Variants in ZNF710 observed in about 807,000 individuals in gnomAD.
The protein encoded by ZNF710 is zinc finger protein 710.
A neutral mutation model predicts 50.6 loss-of-function variants in ZNF710; 13 were observed. That is an observed-to-expected ratio of 0.26 (90% CI 0.17 to 0.41). The LOEUF (loss-of-function observed/expected upper bound fraction) is 0.41. Among genes scored for constraint, ZNF710 ranks in the 10% least tolerant of loss-of-function variants. The pLI is 1.00. For missense variants in ZNF710, 721 were observed against 936.6 expected (o/e 0.77, Z 3.01); for synonymous variants, 383 against 397.0 (o/e 0.96, Z 0.42).
chr15:90,013,502 T>G (rs1898369868), intron 1 of ZNF710, among the ~76,000 whole-genome samples: 1 of 152,232 alleles, frequency 6.6e-6, no homozygotes, highest in Non-Finnish European at 1.5e-5. Flanking sequence ...AGGGAGGATG[T>G]GTGTTTCCTT....
At chr15:90,007,317 T>G (rs537979415) in intron 1 of ZNF710, among the ~76,000 whole-genome samples, 1 of 152,114 alleles carries the variant, frequency 6.6e-6, no homozygotes, top group South Asian at 2.1e-4. Context: ...ACATAATACT[T>G]TTAAGAATTG....
At chr15:90,072,996 C>T in intron 2 of ZNF710, 75 bp from the exon 3 acceptor site, 1 of 1,510,654 alleles carries the variant, frequency 6.6e-7, no homozygotes, top group Non-Finnish European at 9.0e-7. Flanking sequence ...CTGCCCCTAC[C>T]CGGCTCCCCA....
At chr15:90,051,437 C>G (rs1278971532) in intron 1 of ZNF710, among the ~76,000 whole-genome samples, 2 of 151,976 alleles carry the variant, frequency 1.3e-5, no homozygotes, top group African/African-American at 4.8e-5. Context: ...AGTTCAAGAC[C>G]AGCCTGGCCA....
chr15:90,059,652 GCT>G lies in ZNF710; in HGVS notation c.-28-7456_-28-7455del, dbSNP rs1899941442. Reference sequence around the variant, plus strand: ...CTGCCCCTCCCCCGTGCCGGCGGCAGCTCCCTGGGCCTCTGGCTCCTGAGGCC... The same window carrying G: ...CTGCCCCTCCCCCGTGCCGGCGGCAGCCCTGGGCCTCTGGCTCCTGAGGCC... On this transcript the variant is annotated intron_variant, in intron 1 of 4. Transcript: ENST00000268154. This position sits in a 1 kb window ranked among gnomAD's most constrained non-coding sequence, Gnocchi z 4.1. Among the ~76,000 whole-genome samples the G allele has an allele frequency of 6.6e-6, 1 of 151,982 alleles. No individual in the cohort carries two copies. Among genetic ancestry groups the G allele is most frequent in the South Asian group, 2.1e-4 (1 of 4,820 alleles).
intron 1 of ZNF710, chr15:90,002,411 T>G (rs1355662822): frequency 6.6e-6 from 1 of 151,948 alleles, no homozygotes; most frequent in African/African-American, 2.4e-5. Context: ...GCGGGGTCCC[T>G]ACGGCCCGTC....
At chr15:90,027,105 C>G (rs1214400124) in intron 1 of ZNF710, among the ~76,000 whole-genome samples, 1 of 152,134 alleles carries the variant, frequency 6.6e-6, no homozygotes, top group Admixed American at 6.5e-5. Flanking sequence ...TACCCTCTGC[C>G]AAATCTTAGG....
intron 1 of ZNF710, among the ~76,000 whole-genome samples, chr15:90,036,604 A>G (rs1899135108): frequency 6.6e-6 from 1 of 151,992 alleles, no homozygotes; most frequent in Admixed American, 6.6e-5. Flanking sequence ...CTGCTCCATT[A>G]TTTCTAGTGA....
intron 1 of ZNF710, among the ~76,000 whole-genome samples, chr15:90,030,975 C>T (rs563582656): frequency 7.3e-6 from 1 of 137,350 alleles, no homozygotes; most frequent in Non-Finnish European, 1.5e-5. Flanking sequence ...GCCGAGATCC[C>T]GCCACTGCAC....
Position 90,080,000 on chromosome 15 carries a change from T to A in ZNF710, c.*171T>A, listed in dbSNP as rs909426637. On this transcript the variant is annotated 3_prime_UTR_variant, in exon 5 of 5. Coordinates refer to ENST00000268154, the MANE Select transcript of ZNF710 (RefSeq NM_198526.4). ...AGGGACCTTTAGACCAAATGGAGAC[T>A]GTACTACTGGCCCCGGCTGTGAGCC... 2 of 593,946 alleles carry A rather than the reference T, an allele frequency of 3.4e-6. No individual in the cohort carries two copies. The highest frequency in any genetic ancestry group is 5.4e-6 in the Non-Finnish European group (2 of 367,962). 36.8% of individuals were successfully genotyped at this position (593,946 alleles called of 1,614,324 possible).
rs1899261348 is a variant in ZNF710, at chr15:90,040,376, C to T, written c.-28-26734C>T. Among the ~76,000 whole-genome samples the T allele has an allele frequency of 6.6e-6, 1 of 152,218 alleles. No homozygotes were observed. Among genetic ancestry groups the T allele is most frequent in the South Asian group, 2.1e-4 (1 of 4,832 alleles). The stretch of plus-strand genomic sequence containing the variant: ...TTGTTAAAGCCACATGTGAACACTC[C>T]GCAGATTTTCCCTGCAAGGTACAAG... On this transcript the variant is annotated intron_variant, in intron 1 of 4. Coordinates refer to ENST00000268154, the MANE Select transcript of ZNF710 (RefSeq NM_198526.4). The surrounding 1 kb of genome is among the most constrained non-coding windows in gnomAD (Gnocchi z 4.6).
At position 90,067,142 on chromosome 15, in the gene ZNF710, A is replaced by G; in HGVS notation, c.5A>G (p.Glu2Gly). 6.3e-7 allele frequency: 1 copy of G among 1,593,126 alleles called. No homozygotes were observed. The highest frequency in any genetic ancestry group is 8.6e-7 in the Non-Finnish European group (1 of 1,167,310). Residue 2 changes from glutamate (E) to glycine (G), a missense_variant, in exon 2 of 5, where the codon GAG becomes GGG. By Grantham distance (98) the Glu-to-Gly change is moderately conservative. This residue lies in a region of ZNF710 where 326 missense variants were observed against 347.1 expected (regional missense o/e 0.94). Transcript: ENST00000268154. This position sits in a 1 kb window ranked among gnomAD's most constrained non-coding sequence, Gnocchi z 8.1. M[E>G]GFMDSGTQTD... The stretch of plus-strand genomic sequence containing the variant: ...CTCCTAGCTAGCCGTCACGGGATGG[A>G]GGGCTTCATGGACTCAGGGACACAG...
At chr15:90,041,892 ATTTTTTT>A (rs71151548) in intron 1 of ZNF710, among the ~76,000 whole-genome samples, 4 of 110,598 alleles carry the variant, frequency 3.6e-5, no homozygotes, top group African/African-American at 6.9e-5. Context: ...TTTGTTTTTG[ATTTTTTT>A]TTTTTTTTTT....
intron 4 of ZNF710, chr15:90,076,578 T>G (rs1297032908): frequency 6.6e-6 from 1 of 152,034 alleles, no homozygotes; most frequent in African/African-American, 2.4e-5. Context: ...CCGTCTCTAC[T>G]AAAAATACAA....
upstream of ZNF710, among the ~76,000 whole-genome samples, chr15:90,001,098 GGAA>G (rs1483163605): frequency 1.3e-5 from 2 of 152,132 alleles, no homozygotes; most frequent in Non-Finnish European, 2.9e-5. Context: ...TAAGAAAGGA[GGAA>G]GAAGGAAGAA....
chr15:90,018,329 C>T (rs1196665178), intron 1 of ZNF710, among the ~76,000 whole-genome samples: 16 of 152,068 alleles, frequency 1.1e-4, no homozygotes. Flanking sequence ...CCACCACACC[C>T]AGCTACTTTT....
intron 1 of ZNF710, among the ~76,000 whole-genome samples, chr15:90,027,248 T>C (rs1898806445): frequency 6.6e-6 from 1 of 152,044 alleles, no homozygotes; most frequent in Non-Finnish European, 1.5e-5. Context: ...TCTTGCTCTG[T>C]CGCCCAGGCT....
chr15:90,073,165 C>G lies in ZNF710; in HGVS notation c.1553C>G (p.Pro518Arg). ...ATGCTGATCCACACCAGCGTCCGGC[C>G]CTACCAGTGCCACATCTGCTTCAAG... Reference protein sequence around the residue: ...RHMLIHTSVRPYQCHICFKTF... With the variant: ...RHMLIHTSVRRYQCHICFKTF... The change falls in exon 3 of 5, where the codon CCC becomes CGC. Residue 518 changes from proline to arginine, a missense_variant. Physicochemically the swap from Pro to Arg is moderately radical, Grantham distance 103. Around this residue, in one of 3 missense-constraint regions of ZNF710, gnomAD observed 326 missense variants for 522.0 expected, o/e 0.62. Coordinates refer to ENST00000268154, the MANE Select transcript of ZNF710 (RefSeq NM_198526.4). The G allele has an allele frequency of 1.2e-6, 2 of 1,614,180 alleles. No homozygotes were observed.
chr15:90,020,857 A>C (rs1434240884), intron 1 of ZNF710, among the ~76,000 whole-genome samples: 1 of 152,166 alleles, frequency 6.6e-6, no homozygotes, highest in African/African-American at 2.4e-5. Context: ...TACAGATCTC[A>C]TTCTGCAACC....
In ZNF710 at chr15:90,079,933, C is replaced by G; in HGVS notation, c.*104C>G. On this transcript the variant is annotated 3_prime_UTR_variant, in exon 5 of 5. Coordinates refer to ENST00000268154, the MANE Select transcript of ZNF710 (RefSeq NM_198526.4). ...TGCAGCCGAGAAACAAGCTACTGCC[C>G]CACTGTTCTGAGCCCTCCCTCCCCG... The G allele has an allele frequency of 2.6e-6, 3 of 1,158,760 alleles. No homozygotes were observed. The highest frequency in any genetic ancestry group is 3.5e-6 in the Non-Finnish European group (3 of 851,116). The allele number at this position is 1,158,760 out of a possible 1,614,324, so 71.8% of individuals were successfully genotyped here. A position where few individuals can be genotyped will look rare whatever the true frequency, so the allele number is the denominator to read the frequency against.
Sources: allele counts gnomAD v4.1 joint callset (sites outside exome capture counted in the v4.1 genomes callset), GRCh38; gene constraint gnomAD v4.1.1; regional missense constraint gnomAD v4.1.1; non-coding constraint Gnocchi (gnomAD v3.1); transcripts MANE v1.5; gene names NCBI Gene and HGNC (gene_info 2026-07-23, HGNC 2026-07-21).